Variants in DLGAP2 observed in about 807,000 individuals in gnomAD.
DLGAP2 encodes the protein disks large-associated protein 2.
DLGAP2 carries 26 observed loss-of-function variants against 100.3 expected under a neutral mutation model. The observed-to-expected ratio is 0.26, with a 90% CI of 0.19 to 0.36. DLGAP2 has a LOEUF of 0.36. DLGAP2 is among the 10% of genes least tolerant of loss of function. The pLI is 1.00. For synonymous variants in DLGAP2, 886 were observed against 630.1 expected (o/e 1.41, Z -6.08); for missense variants, 1,858 against 1,453.2 (o/e 1.28, Z -4.53).
Position 1,609,383 on chromosome 8 carries a change from G to C in DLGAP2, c.1443-17357G>C, listed in dbSNP as rs1211469631. Among the ~76,000 whole-genome samples the C allele has an allele frequency of 3.7e-5, 5 of 136,100 alleles. No individual in the cohort carries two copies. In the East Asian group the frequency reaches 8.2e-4, roughly 22 times the overall value. 89.3% of individuals were successfully genotyped at this position (136,100 alleles called of 152,430 possible). ...CCAGGCCTGCCCTAAAAGAGCTCCT[G>C]AAGGAAGCGCTAAACATGGAAAGGA... On this transcript the variant is annotated intron_variant, in intron 6 of 14. Transcript: ENST00000637795.
intron 2 of DLGAP2, among the ~76,000 whole-genome samples, chr8:1,012,892 A>G (rs1001832031): frequency 2.6e-5 from 4 of 152,004 alleles, no homozygotes; most frequent in East Asian, 3.9e-4. Context: ...TCCCATGAGT[A>G]TGTGTCGTGT....
At chr8:1,303,088 A>G (rs531515400) in intron 3 of DLGAP2, among the ~76,000 whole-genome samples, 14 of 152,322 alleles carry the variant, frequency 9.2e-5, no homozygotes, top group Admixed American at 3.3e-4. Context: ...TGGAAGAGGA[A>G]AAAGCCAATG....
At chr8:1,594,870 C>G (rs912200645) in intron 6 of DLGAP2, among the ~76,000 whole-genome samples, 1 of 152,148 alleles carries the variant, frequency 6.6e-6, no homozygotes, top group East Asian at 1.9e-4. Context: ...GCCAGCCATG[C>G]CCCCTGGGCA....
chr8:790,797 G>T (rs1179917580), intron 1 of DLGAP2, among the ~76,000 whole-genome samples: 1 of 152,088 alleles, frequency 6.6e-6, no homozygotes, highest in Non-Finnish European at 1.5e-5. Flanking sequence ...CCAGGCTGGA[G>T]TACAGTGGTG....
intron 2 of DLGAP2, among the ~76,000 whole-genome samples, chr8:1,150,561 A>G (rs570570723): frequency 2.0e-5 from 3 of 152,356 alleles, no homozygotes; most frequent in Admixed American, 1.3e-4. Flanking sequence ...AGGATTTGTC[A>G]TCATGCCTCA....
intron 2 of DLGAP2, among the ~76,000 whole-genome samples, chr8:972,616 C>CTTTTTTTTTTCTTATTTAT (rs547635325): frequency 6.7e-6 from 1 of 150,090 alleles, no homozygotes; most frequent in Non-Finnish European, 1.5e-5. Context: ...GTATTTTTTT[C>CTTTTTTTTTTCTTATTTAT]TTATTTATTT....
At position 1,052,917 on chromosome 8, in the gene DLGAP2, A is replaced by G. The variant is rs546289873; in HGVS notation, c.73+144951A>G. On this transcript the variant is annotated intron_variant, in intron 2 of 14. Coordinates refer to ENST00000637795, the MANE Select transcript of DLGAP2 (RefSeq NM_001346810.2). The stretch of plus-strand genomic sequence containing the variant: ...ATTATTAATCTTCCCCCAAATGTCT[A>G]TATAGAGAACCAGGTGATATCCAGG... Among the ~76,000 whole-genome samples, 76 of 152,334 alleles carry G rather than the reference A, an allele frequency of 5.0e-4. 1 individual carries two copies. Among genetic ancestry groups the G allele is most frequent in the Admixed American group, 3.1e-3 (47 of 15,308 alleles).
intron 3 of DLGAP2, among the ~76,000 whole-genome samples, chr8:1,341,802 C>G (rs1801424586): frequency 6.6e-6 from 1 of 152,188 alleles, no homozygotes; most frequent in African/African-American, 2.4e-5. Context: ...CAGGGTCCCT[C>G]CATCTGCAGG....
At chr8:763,492 G>T (rs1821138631) in intron 1 of DLGAP2, among the ~76,000 whole-genome samples, 2 of 152,216 alleles carry the variant, frequency 1.3e-5, no homozygotes, top group African/African-American at 4.8e-5. Flanking sequence ...ATGGGATTTT[G>T]TTCCATAATT....
At chr8:1,220,606 T>C (rs1420089831) in intron 2 of DLGAP2, among the ~76,000 whole-genome samples, 1 of 152,218 alleles carries the variant, frequency 6.6e-6, no homozygotes. Flanking sequence ...TCTGTAGATA[T>C]CTATTAGGTC....
intron 2 of DLGAP2, among the ~76,000 whole-genome samples, chr8:1,230,814 A>G (rs1045103206): frequency 2.0e-5 from 3 of 152,248 alleles, no homozygotes; most frequent in Admixed American, 6.5e-5. Flanking sequence ...TATGCAAAGA[A>G]TGAAACTGGA....
intron 2 of DLGAP2, among the ~76,000 whole-genome samples, chr8:1,231,823 G>C (rs1000829825): frequency 6.6e-6 from 1 of 152,090 alleles, no homozygotes; most frequent in Non-Finnish European, 1.5e-5. Flanking sequence ...GGAAGGGCGG[G>C]AGGAAGTGTT....
At chr8:1,126,609 G>T (rs1053186620) in intron 2 of DLGAP2, among the ~76,000 whole-genome samples, 24 of 152,134 alleles carry the variant, frequency 1.6e-4, no homozygotes, top group African/African-American at 5.6e-4. Flanking sequence ...GCTGCTGAGG[G>T]CTTTCAGTAG....
intron 2 of DLGAP2, among the ~76,000 whole-genome samples, chr8:1,185,999 C>T (rs1797495762): frequency 6.6e-6 from 1 of 152,180 alleles, no homozygotes; most frequent in Non-Finnish European, 1.5e-5. Context: ...GGCCAGCTTC[C>T]TTGCCCTGTC....
intron 2 of DLGAP2, among the ~76,000 whole-genome samples, chr8:1,253,231 G>A (rs1165732971): frequency 6.6e-6 from 1 of 152,240 alleles, no homozygotes; most frequent in African/African-American, 2.4e-5. Flanking sequence ...AAGGCCCCGG[G>A]CTGTGTCCAC....
intron 5 of DLGAP2, among the ~76,000 whole-genome samples, chr8:1,553,831 A>T (rs1801865355): frequency 6.6e-6 from 1 of 152,194 alleles, no homozygotes; most frequent in Admixed American, 6.5e-5. Context: ...AGGCTCAGCT[A>T]CTGCATTTGT....
At chr8:1,351,444 T>C (rs112537068) in intron 3 of DLGAP2, among the ~76,000 whole-genome samples, 8 of 19,924 alleles carry the variant, frequency 4.0e-4, no homozygotes, top group African/African-American at 4.4e-4. Context: ...AAAGGCCGTG[T>C]GGGTCCTGAC....
chr8:755,955 C>T (rs1341562525), intron 1 of DLGAP2, among the ~76,000 whole-genome samples: 1 of 152,148 alleles, frequency 6.6e-6, no homozygotes, highest in Non-Finnish European at 1.5e-5. Flanking sequence ...GTCGGGGGAT[C>T]CAGGGTCATC....
intron 6 of DLGAP2, among the ~76,000 whole-genome samples, chr8:1,606,846 G>A (rs906404741): frequency 3.9e-5 from 6 of 152,108 alleles, no homozygotes; most frequent in African/African-American, 1.4e-4. Flanking sequence ...ACCACACCCA[G>A]CTAAGTTTTT....
Sources: gnomAD v4.1 joint callset for allele counts (sites outside exome capture counted in the v4.1 genomes callset) on GRCh38, gnomAD v4.1.1 for gene constraint, MANE v1.5 for transcripts, NCBI Gene and HGNC (gene_info 2026-07-23, HGNC 2026-07-21) for gene names.